Variants in SEC24D observed in about 807,000 individuals in gnomAD.
The protein encoded by SEC24D is SEC24 homolog D, COPII component, also known as protein transport protein Sec24D.
SEC24D carries 69 observed loss-of-function variants against 116.9 expected under a neutral mutation model. The observed-to-expected ratio is 0.59, with a 90% confidence interval of 0.49 to 0.72. The LOEUF (loss-of-function observed/expected upper bound fraction) is 0.72. Among genes scored for constraint, SEC24D ranks in the 30% least tolerant of loss-of-function variants. The pLI is 0.00. For missense variants in SEC24D, 1,131 were observed against 1,264.1 expected (o/e 0.89, Z 1.60); for synonymous variants, 405 against 442.8 (o/e 0.91, Z 1.07).
chr4:118,832,301 G>A (rs561947479), intron 2 of SEC24D, among the ~76,000 whole-genome samples: 6 of 152,318 alleles, frequency 3.9e-5, no homozygotes, highest in Non-Finnish European at 5.9e-5. Flanking sequence ...AAAAATGAGA[G>A]TGGTAAACAG....
At chr4:118,801,802 A>C (rs1339872986) in intron 7 of SEC24D, among the ~76,000 whole-genome samples, 2 of 152,232 alleles carry the variant, frequency 1.3e-5, no homozygotes, top group Non-Finnish European at 2.9e-5. Flanking sequence ...AAATTTGAAA[A>C]AGCAATTGAG....
intron 19 of SEC24D, chr4:118,733,438 C>T (rs1725799773): frequency 6.6e-6 from 1 of 152,014 alleles, no homozygotes; most frequent in Admixed American, 6.6e-5. Context: ...TCAAGAATAG[C>T]ATTTCTAACT....
intron 2 of SEC24D, 80 bp downstream of exon 2, chr4:118,833,499 A>C: frequency 4.2e-6 from 4 of 961,462 alleles, no homozygotes; most frequent in Non-Finnish European, 6.4e-6. Flanking sequence ...AATGCTTTCA[A>C]ATCTCCTCTT....
chr4:118,735,517 T>G (rs866553092), intron 19 of SEC24D, among the ~76,000 whole-genome samples: 38 of 152,220 alleles, frequency 2.5e-4, no homozygotes, highest in African/African-American at 8.4e-4. Flanking sequence ...GTTTTTTTTG[T>G]TTTTCTTTTT....
At chr4:118,810,111 TG>T (rs1729846968) in intron 6 of SEC24D, among the ~76,000 whole-genome samples, 7 of 148,784 alleles carry the variant, frequency 4.7e-5, no homozygotes, top group African/African-American at 1.5e-4. Context: ...TGTGTGTGTG[TG>T]TGTGTGTGTG....
chr4:118,807,490 A>C (rs2110515479), intron 6 of SEC24D, among the ~76,000 whole-genome samples: 1 of 152,022 alleles, frequency 6.6e-6, no homozygotes, highest in East Asian at 1.9e-4. Context: ...GAGGAATAAA[A>C]GGAAAAAAAA....
chr4:118,728,529 G>C, intron 22 of SEC24D, 32 bp downstream of exon 22: 1 of 1,371,468 alleles, frequency 7.3e-7, no homozygotes, highest in Non-Finnish European at 1.0e-6. Context: ...TTTAACATTT[G>C]AATAAAGGGA....
intron 13 of SEC24D, among the ~76,000 whole-genome samples, chr4:118,745,530 A>G (rs542456176): frequency 2.6e-5 from 4 of 152,302 alleles, no homozygotes; most frequent in South Asian, 2.1e-4. Flanking sequence ...GGAAGAATGC[A>G]TAAGAACGTA....
chr4:118,749,808 C>T (rs1363404539), intron 13 of SEC24D, among the ~76,000 whole-genome samples: 1 of 152,184 alleles, frequency 6.6e-6, no homozygotes. Context: ...TTGGGGAGAA[C>T]AATGTTTACT....
chr4:118,762,753 T>C (rs1271387561), intron 10 of SEC24D, among the ~76,000 whole-genome samples: 1 of 152,202 alleles, frequency 6.6e-6, no homozygotes, highest in East Asian at 1.9e-4. Flanking sequence ...AAAGGAAGAT[T>C]ATGCTTACAA....
At chr4:118,835,863 G>A in intron 1 of SEC24D, 78 bp downstream of exon 1, 1 of 153,064 alleles carries the variant, frequency 6.5e-6, no homozygotes, top group Non-Finnish European at 1.5e-5. Context: ...GCGTCCCCGG[G>A]CCGGGCGCCG....
chr4:118,791,590 T>G (rs929713347), intron 8 of SEC24D, among the ~76,000 whole-genome samples: 19 of 152,180 alleles, frequency 1.2e-4, no homozygotes, highest in African/African-American at 1.9e-4. Flanking sequence ...GACTGGACTG[T>G]ACTGCCGCCA....
At chr4:118,728,060 A>G (rs1465148612) in intron 22 of SEC24D, among the ~76,000 whole-genome samples, 1 of 152,134 alleles carries the variant, frequency 6.6e-6, no homozygotes, top group Non-Finnish European at 1.5e-5. Flanking sequence ...ACAAGTAAGT[A>G]TCTGGAACGT....
intron 22 of SEC24D, among the ~76,000 whole-genome samples, chr4:118,724,372 C>T (rs148222061): frequency 2.5e-4 from 38 of 152,066 alleles, no homozygotes; most frequent in African/African-American, 8.7e-4. Context: ...TACTATTGAG[C>T]ATTTAAAATG....
At chr4:118,733,833 T>C (rs529656633) in intron 19 of SEC24D, among the ~76,000 whole-genome samples, 22 of 152,194 alleles carry the variant, frequency 1.4e-4, no homozygotes, top group African/African-American at 4.1e-4. Context: ...AACAAATCCT[T>C]TTAATTCTAC....
intron 15 of SEC24D, among the ~76,000 whole-genome samples, chr4:118,742,266 C>G (rs920331528): frequency 9.9e-5 from 15 of 152,064 alleles, no homozygotes; most frequent in African/African-American, 3.4e-4. Context: ...AGCCAAGTCA[C>G]TACCATGTAG....
chr4:118,813,460 G>A (rs1330952746), intron 6 of SEC24D, among the ~76,000 whole-genome samples: 3 of 152,226 alleles, frequency 2.0e-5, no homozygotes, highest in South Asian at 2.1e-4. Context: ...TTCTTCTGGT[G>A]GAGACTCTGC....
At chr4:118,770,454 A>G (rs1727847496) in intron 8 of SEC24D, among the ~76,000 whole-genome samples, 1 of 152,214 alleles carries the variant, frequency 6.6e-6, no homozygotes, top group African/African-American at 2.4e-5. Context: ...ATTACCAATC[A>G]TGACTCCAGT....
intron 18 of SEC24D, among the ~76,000 whole-genome samples, chr4:118,738,580 C>A (rs547823846): frequency 4.6e-5 from 7 of 152,126 alleles, no homozygotes; most frequent in Non-Finnish European, 8.8e-5. Context: ...CATTGGCCTA[C>A]CTACAGCAAA....
Sources: allele counts gnomAD v4.1 joint callset (sites outside exome capture counted in the v4.1 genomes callset), GRCh38; gene constraint gnomAD v4.1.1; transcripts MANE v1.5; gene names NCBI Gene and HGNC (gene_info 2026-07-23, HGNC 2026-07-21).